Variants in RASAL2 observed in about 807,000 individuals in gnomAD.
The protein encoded by RASAL2 is ras GTPase-activating protein nGAP.
In RASAL2, 58 loss-of-function variants were observed where a neutral mutation model predicts 128.9. That is an observed-to-expected ratio of 0.45 (90% CI 0.36 to 0.56). The LOEUF (loss-of-function observed/expected upper bound fraction) is 0.56, where lower values mean the gene tolerates loss of function less well. RASAL2 is among the 20% of genes least tolerant of loss of function. The probability of loss-of-function intolerance (pLI) is 0.00; values close to 1 mark genes in which losing one functional copy is unlikely to be tolerated. For synonymous variants in RASAL2, 561 were observed against 580.8 expected, an observed-to-expected ratio of 0.97 and a Z score of 0.49; for missense variants, 1,360 against 1,601.6, an observed-to-expected ratio of 0.85 and a Z score of 2.57.
rs368779595 is a variant in RASAL2, at chr1:178,288,934, A to T, written c.330+5243A>T. Among the ~76,000 whole-genome samples the T allele has an allele frequency of 1.2e-4, 19 of 152,190 alleles. No homozygotes were observed. In the East Asian group the frequency reaches 2.1e-3, roughly 17 times the overall value. On this transcript the variant is annotated intron_variant, in intron 2 of 17. Coordinates refer to ENST00000367649, the MANE Select transcript of RASAL2 (RefSeq NM_170692.4). ...CCAAAGTGCTGGGATTACAGGTGTG[A>T]GCCACTGAGCCCAGCTTTTTTTCTC...
At chr1:178,165,696 T>TATTC (rs964791299) in intron 1 of RASAL2, among the ~76,000 whole-genome samples, 4 of 152,196 alleles carry the variant, frequency 2.6e-5, no homozygotes, top group African/African-American at 9.6e-5. Flanking sequence ...AGCTGTGTTT[T>TATTC]ATTCATCTTT....
At chr1:178,246,926 T>G (rs1473192757) in intron 1 of RASAL2, among the ~76,000 whole-genome samples, 1 of 152,154 alleles carries the variant, frequency 6.6e-6, no homozygotes, top group Non-Finnish European at 1.5e-5. Flanking sequence ...CTGCCTTGAT[T>G]GTGGTGGATA....
intron 5 of RASAL2, among the ~76,000 whole-genome samples, chr1:178,435,798 A>G (rs1299216110): frequency 6.6e-6 from 1 of 152,108 alleles, no homozygotes; most frequent in Non-Finnish European, 1.5e-5. Context: ...CATGGTGTTC[A>G]GGATGATGGG....
At chr1:178,260,266 T>C in intron 1 of RASAL2, among the ~76,000 whole-genome samples, 1 of 146,586 alleles carries the variant, frequency 6.8e-6, no homozygotes, top group African/African-American at 2.5e-5. Context: ...GACAGAGAAT[T>C]GCTTGAACCG....
At chr1:178,268,195 C>T (rs1008967253) in intron 1 of RASAL2, among the ~76,000 whole-genome samples, 3 of 151,994 alleles carry the variant, frequency 2.0e-5, no homozygotes, top group South Asian at 2.1e-4. Flanking sequence ...AGCAGCTGGG[C>T]GCAATGGCTC....
At chr1:178,311,304 C>G (rs1177737149) in intron 3 of RASAL2, among the ~76,000 whole-genome samples, 2 of 131,854 alleles carry the variant, frequency 1.5e-5, no homozygotes, top group East Asian at 4.0e-4. Flanking sequence ...AGCTGAAAAG[C>G]AAATAGAGTG....
At chr1:178,341,036 A>G (rs1669849919) in intron 3 of RASAL2, among the ~76,000 whole-genome samples, 1 of 152,208 alleles carries the variant, frequency 6.6e-6, no homozygotes, top group Admixed American at 6.5e-5. Flanking sequence ...AGGTAGTTTA[A>G]GATAGTAATG....
intron 3 of RASAL2, among the ~76,000 whole-genome samples, chr1:178,368,687 C>T (rs1571941410): frequency 6.6e-6 from 1 of 151,640 alleles, no homozygotes; most frequent in Non-Finnish European, 1.5e-5. Context: ...ACCTAGACTG[C>T]AGCACAGTGG....
At chr1:178,470,132 ATCT>A (rs1167840074) in intron 17 of RASAL2, among the ~76,000 whole-genome samples, 1 of 152,218 alleles carries the variant, frequency 6.6e-6, no homozygotes, top group Non-Finnish European at 1.5e-5. Flanking sequence ...GTAAGGATAA[ATCT>A]TCTCTCTTAA....
At chr1:178,432,226 A>C (rs567677481) in intron 5 of RASAL2, among the ~76,000 whole-genome samples, 1 of 152,128 alleles carries the variant, frequency 6.6e-6, no homozygotes, top group South Asian at 2.1e-4. Context: ...GACTTGTGGA[A>C]TTAATCTTCA....
At chr1:178,120,682 C>T (rs545275932) in intron 1 of RASAL2, among the ~76,000 whole-genome samples, 1 of 152,216 alleles carries the variant, frequency 6.6e-6, no homozygotes, top group Non-Finnish European at 1.5e-5. Context: ...GCAGTCAAAC[C>T]TCTCTGCTGA....
chr1:178,443,041 A>G lies in RASAL2; in HGVS notation c.1294A>G (p.Ile432Val), dbSNP rs749812301. The change falls in exon 8 of 18, where the codon ATT becomes GTT. Residue 432 changes from isoleucine (I) to valine (V), a missense_variant. Physicochemically the swap from Ile to Val is conservative, Grantham distance 29. Around this residue, in one of 3 missense-constraint regions of RASAL2, gnomAD observed 617 missense variants for 714.2 expected, o/e 0.86. Transcript: ENST00000367649. ...CAAAGGAAAGACAGGAGGACCTTCT[A>G]TTCGGATTAAATCACGTTTCCAAAC... ...PNKGKTGGPS[I>V]RIKSRFQTIT... 1.9e-6 allele frequency: 3 copies of G among 1,614,090 alleles called. No homozygotes were observed. The highest frequency in any genetic ancestry group is 2.2e-5 in the East Asian group (1 of 44,876).
In RASAL2 at chr1:178,441,544, T is replaced by G. The variant is rs775262306; in HGVS notation, c.829-5T>G. ...TTTTTCTTATGTCTAATTTTTATGT[T>G]GAAGGTTACCTACTTAAGTGGAAGT... On this transcript the variant is annotated splice_polypyrimidine_tract_variant and splice_region_variant and intron_variant, in intron 6 of 17. Transcript: ENST00000367649. 1.2e-6 allele frequency: 2 copies of G among 1,609,566 alleles called. No homozygotes were observed. The highest frequency in any genetic ancestry group is 1.7e-6 in the Non-Finnish European group (2 of 1,176,622).
chr1:178,181,200 G>C (rs1662096255), intron 1 of RASAL2, among the ~76,000 whole-genome samples: 1 of 151,798 alleles, frequency 6.6e-6, no homozygotes. Context: ...AATAGTTTTT[G>C]ATTTATAGAA....
chr1:178,312,856 G>A lies in RASAL2; in HGVS notation c.457+12738G>A, dbSNP rs566739184. Among the ~76,000 whole-genome samples the A allele has an allele frequency of 1.1e-3, 169 of 152,264 alleles. 1 individual carries two copies. The highest frequency in any genetic ancestry group is 1.8e-3 in the Non-Finnish European group (121 of 67,994). On this transcript the variant is annotated intron_variant, in intron 3 of 17. Coordinates refer to ENST00000367649, the MANE Select transcript of RASAL2 (RefSeq NM_170692.4). The stretch of plus-strand genomic sequence containing the variant: ...ATAAGAGAAACAAAAAAGTAGCTCA[G>A]GACAAAGAGAACACTTCTATAGCAC...
At chr1:178,389,012 G>GA (rs1039388198) in intron 3 of RASAL2, among the ~76,000 whole-genome samples, 15 of 152,096 alleles carry the variant, frequency 9.9e-5, no homozygotes, top group Non-Finnish European at 1.0e-4. Flanking sequence ...GGGAGCGAGA[G>GA]AAAAAACGCT....
chr1:178,149,742 C>T (rs991555603), intron 1 of RASAL2, among the ~76,000 whole-genome samples: 1 of 152,048 alleles, frequency 6.6e-6, no homozygotes, highest in Non-Finnish European at 1.5e-5. Context: ...AGATGGAAGG[C>T]AGATTTGATC....
chr1:178,259,436 G>C (rs748311028), intron 1 of RASAL2, among the ~76,000 whole-genome samples: 3 of 152,118 alleles, frequency 2.0e-5, no homozygotes, highest in African/African-American at 7.2e-5. Flanking sequence ...TTCTAAAATC[G>C]TCTATGTTGA....
intron 1 of RASAL2, among the ~76,000 whole-genome samples, chr1:178,137,859 AC>A (rs1660381983): frequency 1.3e-5 from 2 of 152,136 alleles, no homozygotes; most frequent in Non-Finnish European, 2.9e-5. Flanking sequence ...CTTTTTTTAA[AC>A]TGTGGAAGAA....
Sources: gnomAD v4.1 joint callset for allele counts (sites outside exome capture counted in the v4.1 genomes callset) on GRCh38, gnomAD v4.1.1 for gene constraint, gnomAD v4.1.1 regional missense constraint, MANE v1.5 for transcripts, NCBI Gene and HGNC (gene_info 2026-07-23, HGNC 2026-07-21) for gene names.